The following PCSK5 variants were observed in gnomAD, a reference collection of about 807,000 sequenced individuals.
The protein encoded by PCSK5 is proprotein convertase subtilisin/kexin type 5, also known as prohormone convertase 5.
Under a neutral mutation model 233.2 loss-of-function variants are expected in PCSK5, and 129 were observed. The observed-to-expected ratio is 0.55, with a 90% confidence interval of 0.48 to 0.64. PCSK5 has a LOEUF of 0.64. Among genes scored for constraint, PCSK5 ranks in the 30% least tolerant of loss-of-function variants. The pLI, the probability that PCSK5 is intolerant of heterozygous loss-of-function variation, is 0.00. For missense variants in PCSK5, 2,076 were observed against 2,430.1 expected (o/e 0.85, Z 3.06); for synonymous variants, 825 against 879.2 (o/e 0.94, Z 1.09).
intron 5 of PCSK5, among the ~76,000 whole-genome samples, chr9:76,033,864 A>G (rs904229305): frequency 6.6e-6 from 1 of 152,090 alleles, no homozygotes; most frequent in African/African-American, 2.4e-5. Flanking sequence ...TTCACAACCT[A>G]GTCACCACCG....
At chr9:76,020,376 CAT>C (rs939955203) in intron 3 of PCSK5, among the ~76,000 whole-genome samples, 19 of 152,138 alleles carry the variant, frequency 1.2e-4, no homozygotes, top group African/African-American at 4.6e-4. Context: ...ACATTAGAAA[CAT>C]ATTTGGAAGC....
At chr9:75,919,287 C>G (rs1047069964) in intron 1 of PCSK5, among the ~76,000 whole-genome samples, 8 of 152,158 alleles carry the variant, frequency 5.3e-5, no homozygotes, top group African/African-American at 1.7e-4. Flanking sequence ...ATTAATTAAT[C>G]AGTAGTTTGC....
At chr9:76,150,059 A>G (rs759143491) in intron 10 of PCSK5, among the ~76,000 whole-genome samples, 30 of 152,338 alleles carry the variant, frequency 2.0e-4, no homozygotes, top group Non-Finnish European at 4.1e-4. Flanking sequence ...TTATATTCCT[A>G]TATGTGTATA....
Position 76,233,469 on chromosome 9 carries a change from T to C in PCSK5, c.2739T>C (p.Asp913=). ...CTTCPMTRIF[D]DGRCVSNCPS... ...TCTGCTTTTCCTCTAGGATTTTTGATGATGGCCGCTGTGTTTCGAACTGCC... is the reference window on the plus strand; with the variant it reads ...TCTGCTTTTCCTCTAGGATTTTTGACGATGGCCGCTGTGTTTCGAACTGCC... The change falls in exon 22 of 38, where the codon GAT becomes GAC. Residue 913 remains aspartate (D), a synonymous_variant. Coordinates refer to ENST00000674117, the MANE Select transcript of PCSK5 (RefSeq NM_001372043.1). 1 of 1,612,760 alleles carries C rather than the reference T, an allele frequency of 6.2e-7. No homozygotes were observed. The highest frequency in any genetic ancestry group is 8.5e-7 in the Non-Finnish European group (1 of 1,179,818).
rs1256846916 is a variant in PCSK5 at position 76,310,739 on chromosome 9, T to C, written c.3772T>C (p.Cys1258Arg). Reference sequence around the variant, plus strand: ...CGTAAGGAGTGGGAGCTGCGAGAACTGTACGGAGGCCTGTGCCATCTGCTC... The same window carrying C: ...CGTAAGGAGTGGGAGCTGCGAGAACCGTACGGAGGCCTGTGCCATCTGCTC... ...PSVRSGSCENCTEACAICSGA... is the reference protein window; with the variant it reads ...PSVRSGSCENRTEACAICSGA... The change falls in exon 30 of 38, where the codon TGT (cysteine) becomes CGT (arginine). Residue 1258 changes from cysteine (C) to arginine (R), a missense_variant. Physicochemically the swap from Cys to Arg is radical, Grantham distance 180 (BLOSUM62 -3). Coordinates refer to ENST00000674117, the MANE Select transcript of PCSK5 (RefSeq NM_001372043.1). The C allele has an allele frequency of 6.2e-7, 1 of 1,612,202 alleles. No individual in the cohort carries two copies. The highest frequency in any genetic ancestry group is 1.3e-5 in the African/African-American group (1 of 74,928).
chr9:76,276,436 C>T (rs985855614), intron 24 of PCSK5, among the ~76,000 whole-genome samples: 1 of 152,086 alleles, frequency 6.6e-6, no homozygotes, highest in African/African-American at 2.4e-5. Flanking sequence ...AGAATGTAAA[C>T]CTCCTATCCT....
At chr9:75,994,109 G>T (rs1380067383) in intron 3 of PCSK5, among the ~76,000 whole-genome samples, 1 of 152,144 alleles carries the variant, frequency 6.6e-6, no homozygotes, top group Admixed American at 6.5e-5. Context: ...GGTCTGCTAT[G>T]TTAACTCCTC....
intron 28 of PCSK5, 76 bp downstream of exon 28, chr9:76,302,293 C>A: frequency 1.5e-6 from 1 of 677,626 alleles, no homozygotes; most frequent in Non-Finnish European, 2.2e-6. Flanking sequence ...GAGAAATCAC[C>A]CCAAGAAGCT....
In PCSK5 at chr9:76,181,449, C is replaced by T; in HGVS notation, c.2055C>T (p.Arg685=). 1 of 1,614,072 alleles carries T rather than the reference C, an allele frequency of 6.2e-7. No individual in the cohort carries two copies. Among genetic ancestry groups the T allele is most frequent in the Non-Finnish European group, 8.5e-7 (1 of 1,179,956 alleles). The part of the protein sequence containing the change: ...PPGHYHADKK[R]CRKCAPNCES... ...GCCACTACCACGCCGACAAGAAGCG[C>T]TGCAGGAAGTGTGCCCCCAACTGTG... Residue 685 remains arginine (R), a synonymous_variant, in exon 16 of 38, where the codon CGC becomes CGT. Coordinates refer to ENST00000674117, the MANE Select transcript of PCSK5 (RefSeq NM_001372043.1).
Position 75,891,167 on chromosome 9 carries a change from C to T in PCSK5, c.-15C>T, listed in dbSNP as rs1564063116. 6.9e-7 allele frequency: 1 copy of T among 1,454,556 alleles called. No homozygotes were observed. The highest frequency in any genetic ancestry group is 1.6e-5 in the South Asian group (1 of 63,814). The allele number at this position is 1,454,556 out of a possible 1,614,324, so 90.1% of individuals were successfully genotyped here. A position where few individuals can be genotyped will look rare whatever the true frequency, so the allele number is the denominator to read the frequency against. On this transcript the variant is annotated 5_prime_UTR_variant, in exon 1 of 38. Coordinates refer to ENST00000674117, the MANE Select transcript of PCSK5 (RefSeq NM_001372043.1). ...AACCAGCCAGCGAGCGAGGGAGCAGCGAGGCGCCGGGACCATGGGCTGGGG... is the reference window on the plus strand; with the variant it reads ...AACCAGCCAGCGAGCGAGGGAGCAGTGAGGCGCCGGGACCATGGGCTGGGG...
intron 20 of PCSK5, 29 bp downstream of exon 20, chr9:76,189,775 T>A: frequency 8.7e-7 from 1 of 1,152,670 alleles, no homozygotes; most frequent in South Asian, 1.3e-5. Context: ...ATCGATCTTA[T>A]GAAGCAAAGT....
At chr9:76,329,183 T>TG (rs1027198288) in intron 33 of PCSK5, among the ~76,000 whole-genome samples, 7 of 152,088 alleles carry the variant, frequency 4.6e-5, no homozygotes, top group African/African-American at 1.7e-4. Context: ...CCCAGGCTGT[T>TG]GGAGTGCAGT....
intron 20 of PCSK5, among the ~76,000 whole-genome samples, chr9:76,226,413 A>C (rs1013279819): frequency 6.6e-6 from 1 of 152,148 alleles, no homozygotes; most frequent in Admixed American, 6.5e-5. Context: ...AGTCAAGTCT[A>C]GGTTTCCAGG....
chr9:75,993,222 G>A (rs1452609239), intron 3 of PCSK5, among the ~76,000 whole-genome samples: 2 of 151,972 alleles, frequency 1.3e-5, no homozygotes, highest in Non-Finnish European at 2.9e-5. Context: ...ACATTCTGAG[G>A]CAAGCAGGAG....
At chr9:75,955,380 T>G (rs1825050903) in intron 2 of PCSK5, among the ~76,000 whole-genome samples, 1 of 152,148 alleles carries the variant, frequency 6.6e-6, no homozygotes, top group East Asian at 1.9e-4. Flanking sequence ...CTCCTACCCT[T>G]TAAACCTCCT....
rs767332965 is a variant in PCSK5, at chr9:76,175,138, G to C, written c.1900+9G>C. 4.3e-6 allele frequency: 7 copies of C among 1,612,812 alleles called. No homozygotes were observed. In the East Asian group the frequency reaches 6.7e-5, roughly 15 times the overall value. On this transcript the variant is annotated intron_variant, in intron 14 of 37. Coordinates refer to ENST00000674117, the MANE Select transcript of PCSK5 (RefSeq NM_001372043.1). ...CACAGAGGATTATGCAGGTGAGCTG[G>C]CTTCCAGTGGGACACAGGCTAAAAA...
intron 24 of PCSK5, among the ~76,000 whole-genome samples, chr9:76,272,598 C>A (rs1268816232): frequency 1.3e-5 from 2 of 151,262 alleles, no homozygotes; most frequent in East Asian, 1.9e-4. Context: ...CATAGTGAAA[C>A]CCCCATCTCT....
chr9:76,273,181 T>C (rs1827579361), intron 24 of PCSK5, among the ~76,000 whole-genome samples: 1 of 152,150 alleles, frequency 6.6e-6, no homozygotes, highest in Admixed American at 6.6e-5. Flanking sequence ...CTTTCAGGTC[T>C]CACCTAAGCT....
At chr9:75,967,688 C>G (rs1825648587) in intron 2 of PCSK5, among the ~76,000 whole-genome samples, 1 of 152,140 alleles carries the variant, frequency 6.6e-6, no homozygotes, top group Non-Finnish European at 1.5e-5. Context: ...GGGGATTCCT[C>G]TGTTGCTAAA....
Sources: allele counts gnomAD v4.1 joint callset (sites outside exome capture counted in the v4.1 genomes callset), GRCh38; gene constraint gnomAD v4.1.1; transcripts MANE v1.5; gene names NCBI Gene and HGNC (gene_info 2026-07-23, HGNC 2026-07-21).